The following MAGI1 variants were observed in gnomAD, a reference collection of about 807,000 sequenced individuals.
MAGI1 encodes the protein membrane-associated guanylate kinase, WW and PDZ domain-containing protein 1.
A neutral mutation model predicts 139.9 loss-of-function variants in MAGI1; 58 were observed. The observed-to-expected ratio is 0.41, with a 90% confidence interval of 0.34 to 0.52. The LOEUF is 0.52. Among genes scored for constraint, MAGI1 ranks in the 20% least tolerant of loss-of-function variants. MAGI1 has a pLI of 0.12. For missense variants in MAGI1, 1,874 were observed against 1,901.6 expected (o/e 0.99, Z 0.27); for synonymous variants, 812 against 737.9 (o/e 1.10, Z -1.63).
intron 2 of MAGI1, among the ~76,000 whole-genome samples, chr3:65,553,842 C>T (rs562065118): frequency 6.6e-6 from 1 of 152,274 alleles, no homozygotes; most frequent in Admixed American, 6.5e-5. Context: ...TGGGCTAATT[C>T]TCAGTTTCGC....
chr3:65,525,729 A>C (rs17073049), intron 2 of MAGI1, among the ~76,000 whole-genome samples: 4,181 of 152,322 alleles, frequency 0.027, 188 homozygotes, highest in African/African-American at 0.095. Context: ...TTACCTTGTC[A>C]ATAATATAGC....
intron 1 of MAGI1, among the ~76,000 whole-genome samples, chr3:65,757,711 G>C (rs140651814): frequency 5.1e-4 from 77 of 152,288 alleles, no homozygotes; most frequent in African/African-American, 1.7e-3. Context: ...AAGTGTTTCA[G>C]TTTATGCAGG....
chr3:65,712,280 T>C (rs1313559605), intron 1 of MAGI1, among the ~76,000 whole-genome samples: 1 of 151,930 alleles, frequency 6.6e-6, no homozygotes, highest in Non-Finnish European at 1.5e-5. Context: ...CCACCCACCA[T>C]GCTCTGAGGA....
intron 1 of MAGI1, among the ~76,000 whole-genome samples, chr3:65,921,025 T>C (rs2062153305): frequency 6.6e-6 from 1 of 150,714 alleles, no homozygotes; most frequent in Admixed American, 6.6e-5. Context: ...CAAGGTTCTG[T>C]CTCAAAAAAA....
At chr3:65,453,583 AT>A (rs1434614522) in intron 5 of MAGI1, among the ~76,000 whole-genome samples, 1 of 152,184 alleles carries the variant, frequency 6.6e-6, no homozygotes, top group Non-Finnish European at 1.5e-5. Context: ...AGCTTAAAAA[AT>A]AATACCAGTT....
chr3:65,499,073 A>C (rs907547923), intron 2 of MAGI1: 2 of 951,788 alleles, frequency 2.1e-6, no homozygotes, highest in African/African-American at 1.8e-5. Flanking sequence ...AAAAAAAAAA[A>C]CAAAAAACTC....
At chr3:65,886,742 A>G (rs982923030) in intron 1 of MAGI1, among the ~76,000 whole-genome samples, 5 of 152,358 alleles carry the variant, frequency 3.3e-5, no homozygotes, top group African/African-American at 1.2e-4. Flanking sequence ...TAGGACTGTT[A>G]CATGGCTAGA....
chr3:65,370,849 G>A (rs1028738178), intron 18 of MAGI1, among the ~76,000 whole-genome samples: 2 of 152,180 alleles, frequency 1.3e-5, no homozygotes, highest in Admixed American at 6.5e-5. Context: ...CAGAGACGAC[G>A]TCTCGCTATG....
At chr3:65,652,492 C>T (rs1186533341) in intron 1 of MAGI1, among the ~76,000 whole-genome samples, 1 of 152,142 alleles carries the variant, frequency 6.6e-6, no homozygotes, top group Non-Finnish European at 1.5e-5. Context: ...AGTACTTATT[C>T]CCTACCAGCT....
intron 12 of MAGI1, among the ~76,000 whole-genome samples, chr3:65,405,602 C>CT (rs68024359): frequency 3.5e-4 from 52 of 148,560 alleles, no homozygotes; most frequent in East Asian, 9.9e-4. Context: ...TATACTGCTT[C>CT]TTTTTTTTTT....
intron 1 of MAGI1, among the ~76,000 whole-genome samples, chr3:66,009,367 G>A (rs1484778134): frequency 6.6e-5 from 10 of 152,038 alleles, no homozygotes; most frequent in African/African-American, 9.7e-5. Flanking sequence ...AAAATTAGCC[G>A]GGCGTGGTGG....
intron 1 of MAGI1, among the ~76,000 whole-genome samples, chr3:65,899,651 G>A (rs934087604): frequency 3.9e-5 from 6 of 152,218 alleles, no homozygotes; most frequent in African/African-American, 1.4e-4. Context: ...CTATTCTCAT[G>A]TTTTATGCTG....
Position 65,594,977 on chromosome 3 carries a change from G to A in MAGI1, c.430+26995C>T, listed in dbSNP as rs552651208. Among the ~76,000 whole-genome samples the A allele has an allele frequency of 3.3e-5, 5 of 152,296 alleles. No individual in the cohort carries two copies. The South Asian group carries it at 1.0e-3, about 32-fold the overall frequency. ...ATTTATTGAAATCATTAAACAGGCA[G>A]TTTCAGTCGGTATCACATCACCTGC... On this transcript the variant is annotated intron_variant, in intron 2 of 22. Coordinates refer to ENST00000402939, the MANE Select transcript of MAGI1 (RefSeq NM_001033057.2).
At chr3:65,620,012 C>T (rs1240011734) in intron 2 of MAGI1, 1 of 985,010 alleles carries the variant, frequency 1.0e-6, no homozygotes, top group East Asian at 1.1e-4. Flanking sequence ...GCCCCAATTC[C>T]TACATAGTGG....
chr3:65,832,234 A>G (rs373206258), intron 1 of MAGI1, among the ~76,000 whole-genome samples: 156 of 152,304 alleles, frequency 1.0e-3, no homozygotes, highest in Middle Eastern at 3.4e-3. Context: ...ATGTCTCCCA[A>G]TCAGTGCCTG....
intron 7 of MAGI1, among the ~76,000 whole-genome samples, chr3:65,445,869 T>TA (rs1948645270): frequency 6.6e-6 from 1 of 152,174 alleles, no homozygotes; most frequent in African/African-American, 2.4e-5. Context: ...CCTTGTCACA[T>TA]CTGGAATTAC....
intron 2 of MAGI1, among the ~76,000 whole-genome samples, chr3:65,536,590 T>C (rs1372766376): frequency 1.3e-5 from 2 of 152,130 alleles, no homozygotes; most frequent in Non-Finnish European, 2.9e-5. Context: ...CTATTACCCA[T>C]TTTCTGGCCA....
At chr3:66,024,793 T>C (rs1445986242) in intron 1 of MAGI1, among the ~76,000 whole-genome samples, 1 of 151,930 alleles carries the variant, frequency 6.6e-6, no homozygotes, top group Non-Finnish European at 1.5e-5. Flanking sequence ...GCAACAAGAG[T>C]GAGACTCCGT....
At chr3:65,950,785 A>G (rs1277713819) in intron 1 of MAGI1, among the ~76,000 whole-genome samples, 1 of 152,164 alleles carries the variant, frequency 6.6e-6, no homozygotes, top group African/African-American at 2.4e-5. Context: ...AGACAGAGGT[A>G]TGCACTGTGT....
Sources: gnomAD v4.1 joint callset for allele counts (sites outside exome capture counted in the v4.1 genomes callset) on GRCh38, gnomAD v4.1.1 for gene constraint, MANE v1.5 for transcripts, NCBI Gene and HGNC (gene_info 2026-07-23, HGNC 2026-07-21) for gene names.